ALAS2: variants seen among roughly 807,000 people sequenced by gnomAD.
ALAS2 encodes the protein 5-aminolevulinate synthase, erythroid-specific, mitochondrial.
In ALAS2, 3 loss-of-function variants were observed where a neutral mutation model predicts 33.7. The observed-to-expected ratio is 0.09, with a 90% confidence interval of 0.04 to 0.23. ALAS2 has a LOEUF of 0.23. ALAS2 is among the 10% of genes least tolerant of loss of function. ALAS2 has a pLI of 1.00. For missense variants in ALAS2, 304 were observed against 475.1 expected, an observed-to-expected ratio of 0.64 and a Z score of 3.35; for synonymous variants, 191 against 177.3, an observed-to-expected ratio of 1.08 and a Z score of -0.61.
In ALAS2 at chrX:55,020,641, G is replaced by T; in HGVS notation, c.639-137C>A. The T allele has an allele frequency of 8.1e-6, 5 of 619,606 alleles. No homozygotes were observed. The South Asian group carries it at 1.4e-4, about 18-fold the overall frequency. 51.1% of individuals were successfully genotyped at this position (619,606 alleles called of 1,213,427 possible). A position where few individuals can be genotyped will look rare whatever the true frequency, so the allele number is the denominator to read the frequency against. On this transcript the variant is annotated intron_variant, in intron 5 of 10. Transcript: ENST00000650242. ...TATAAACTGTGTCCTATGAGACAAA[G>T]TAGAGGGAAGGATGGGGAGGATAGG...
At chrX:55,026,050 T>C in intron 1 of ALAS2, 35 bp from the exon 2 acceptor site, 1 of 1,170,623 alleles carries the variant, frequency 8.5e-7, no homozygotes, top group African/African-American at 1.8e-5. Flanking sequence ...GGTTCCATCA[T>C]GAGGGCCTGG....
At chrX:55,018,785 G>A (rs1935749394) in intron 6 of ALAS2, among the ~76,000 whole-genome samples, 1 of 110,941 alleles carries the variant, frequency 9.0e-6, no homozygotes, top group Non-Finnish European at 1.9e-5. Context: ...TGAGGGTGGG[G>A]TGACAAAGAT....
chrX:55,018,641 A>G (rs192085624), intron 6 of ALAS2, among the ~76,000 whole-genome samples: 280 of 111,743 alleles, frequency 2.5e-3, no homozygotes, highest in African/African-American at 8.9e-3. Context: ...TGAAATAGTG[A>G]GAGGAGGGAT....
At chrX:55,019,880 G>T (rs910918238) in intron 6 of ALAS2, among the ~76,000 whole-genome samples, 4 of 111,751 alleles carry the variant, frequency 3.6e-5, no homozygotes, top group African/African-American at 1.3e-4. Context: ...TCGTAGGTTT[G>T]GTGGCAATAA....
At chrX:55,023,975 G>A in intron 3 of ALAS2, 108 bp from the exon 4 acceptor site, 3 of 618,615 alleles carry the variant, frequency 4.8e-6, no homozygotes, top group Non-Finnish European at 7.8e-6. Flanking sequence ...AAGTTTATAA[G>A]GTAAGGGCAG....
In ALAS2 at chrX:55,009,205, G is replaced by A; in HGVS notation, c.1739C>T (p.Pro580Leu). Residue 580 changes from proline (P) to leucine (L), a missense_variant, in exon 11 of 11, where the codon CCC (proline) becomes CTC (leucine). Transcript: ENST00000650242. ...WERSYFGNMGPQYVTTYA is the reference protein window; with the variant it reads ...WERSYFGNMGLQYVTTYA Reference sequence around the variant, plus strand: ...TCAGGCATAGGTGGTGACATACTGGGGCCCCATGTTCCCGAAGTAGGAACG... The same window carrying A: ...TCAGGCATAGGTGGTGACATACTGGAGCCCCATGTTCCCGAAGTAGGAACG... 1 of 1,208,435 alleles carries A rather than the reference G, an allele frequency of 8.3e-7. No homozygotes were observed. The highest frequency in any genetic ancestry group is 1.1e-6 in the Non-Finnish European group (1 of 894,087).
rs1428390114 is a variant in ALAS2, at chrX:55,015,957, CTCTGTG to C, written c.1004-221_1004-216del. ...GCCTTCTCTCTCTCTCTCTCTGTCT[CTCTGTG>C]TGTGTGTGTGTGTGTGTGTGTGTGT... is the stretch of plus-strand genomic sequence containing the variant. On this transcript the variant is annotated intron_variant, in intron 7 of 10. Coordinates refer to ENST00000650242, the MANE Select transcript of ALAS2 (RefSeq NM_000032.5). Among the ~76,000 whole-genome samples, 2,343 of 86,143 alleles carry C rather than the reference CTCTGTG, an allele frequency of 0.027. 59 individuals are homozygous for C. The highest frequency in any genetic ancestry group is 0.1 in the African/African-American group (2,225 of 22,225). 74.8% of individuals were successfully genotyped at this position (86,143 alleles called of 115,157 possible).
intron 1 of ALAS2, among the ~76,000 whole-genome samples, chrX:55,026,314 A>T (rs768779437): frequency 8.9e-6 from 1 of 112,369 alleles, no homozygotes; most frequent in East Asian, 2.8e-4. Context: ...GATGAGGATC[A>T]CTGAAATGTG....
chrX:55,029,987 AG>A (rs1468569279), intron 1 of ALAS2, among the ~76,000 whole-genome samples: 1 of 83,140 alleles, frequency 1.2e-5, no homozygotes, highest in African/African-American at 4.8e-5. Flanking sequence ...GCTTTGCAAA[AG>A]TCAATTAGGT....
At chrX:55,024,899 A>G in intron 2 of ALAS2, 59 bp from the exon 3 acceptor site, 1 of 1,186,832 alleles carries the variant, frequency 8.4e-7, no homozygotes, top group Non-Finnish European at 1.1e-6. Context: ...TCAGCTCAAC[A>G]ATAATTGCTG....
chrX:55,009,204 G>T lies in ALAS2; in HGVS notation c.1740C>A (p.Pro580=), dbSNP rs1440186563. The change falls in exon 11 of 11, where the codon CCC becomes CCA. Residue 580 remains proline (P), a synonymous_variant. Transcript: ENST00000650242. ...WERSYFGNMG[P]QYVTTYA ...CTCAGGCATAGGTGGTGACATACTG[G>T]GGCCCCATGTTCCCGAAGTAGGAAC... The T allele has an allele frequency of 8.3e-7, 1 of 1,206,302 alleles. No individual in the cohort carries two copies. The highest frequency in any genetic ancestry group is 1.1e-6 in the Non-Finnish European group (1 of 893,665).
At position 55,009,059 on chromosome X, in the gene ALAS2, G is replaced by A; in HGVS notation, c.*121C>T. 12 of 928,947 alleles carry A rather than the reference G, an allele frequency of 1.3e-5. No individual in the cohort carries two copies. Among genetic ancestry groups the A allele is most frequent in the South Asian group, 2.3e-5 (1 of 43,255 alleles). The allele number at this position is 928,947 out of a possible 1,213,427, so 76.6% of individuals were successfully genotyped here. A position where few individuals can be genotyped will look rare whatever the true frequency, so the allele number is the denominator to read the frequency against. On this transcript the variant is annotated 3_prime_UTR_variant, in exon 11 of 11. Coordinates refer to ENST00000650242, the MANE Select transcript of ALAS2 (RefSeq NM_000032.5). ...TGTCCAATAAAAGGCTTCACATGCT[G>A]TGGTTTGTGCTTTATTTTTAGGCTC...
chrX:55,020,555 A>T (rs1434244578), intron 5 of ALAS2, 51 bp from the exon 6 acceptor site: 1 of 1,106,948 alleles, frequency 9.0e-7, no homozygotes, highest in African/African-American at 1.8e-5. Flanking sequence ...CTTGTCAGGC[A>T]TCGAGGAACT....
At position 55,025,844 on chromosome X, in the gene ALAS2, G is replaced by C. The variant is rs1935882447; in HGVS notation, c.157C>G (p.Leu53Val). Residue 53 changes from leucine (L) to valine (V), a missense_variant, in exon 2 of 11, where the codon CTT (leucine) becomes GTT (valine). Physicochemically the swap from Leu to Val is conservative, Grantham distance 32. Transcript: ENST00000650242. ...CCTCCTCCAGCCTTTGTTGCCTTAA[G>C]GTGGATTTGAGAACAGTTTGGTCCT... is the stretch of plus-strand genomic sequence containing the variant. Reference protein sequence around the residue: ...TQGPNCSQIHLKATKAGGDSP... With the variant: ...TQGPNCSQIHVKATKAGGDSP... The C allele has an allele frequency of 8.3e-7, 1 of 1,209,906 alleles. No homozygotes were observed. The highest frequency in any genetic ancestry group is 1.1e-6 in the Non-Finnish European group (1 of 895,233).
chrX:55,020,923 G>A, intron 5 of ALAS2, 129 bp downstream of exon 5: 1 of 556,533 alleles, frequency 1.8e-6, no homozygotes, highest in Non-Finnish European at 3.0e-6. Context: ...AGATATGATG[G>A]AGGACCTTGG....
intron 9 of ALAS2, among the ~76,000 whole-genome samples, chrX:55,014,222 T>TTTTG (rs1935659641): frequency 8.9e-6 from 1 of 112,044 alleles, no homozygotes; most frequent in African/African-American, 3.2e-5. Flanking sequence ...AAGTAGCAGC[T>TTTTG]AATCCTATGG....
At chrX:55,016,245 C>T (rs767332881) in intron 7 of ALAS2, among the ~76,000 whole-genome samples, 1 of 109,744 alleles carries the variant, frequency 9.1e-6, no homozygotes, top group Non-Finnish European at 1.9e-5. Context: ...AGAATGGTAC[C>T]AACATAGTTT....
intron 6 of ALAS2, 68 bp downstream of exon 6, chrX:55,020,252 G>C: frequency 9.4e-7 from 1 of 1,063,952 alleles, no homozygotes; most frequent in Non-Finnish European, 1.3e-6. Context: ...AGGAGTGATG[G>C]AACCAGTGAA....
chrX:55,024,255 A>G (rs1046627882), intron 3 of ALAS2, among the ~76,000 whole-genome samples: 6 of 112,142 alleles, frequency 5.4e-5, no homozygotes, highest in African/African-American at 1.9e-4. Flanking sequence ...GGGGCCTATG[A>G]AAGATGTCAA....
Sources: allele counts gnomAD v4.1 joint callset (sites outside exome capture counted in the v4.1 genomes callset), GRCh38; gene constraint gnomAD v4.1.1; transcripts MANE v1.5; gene names NCBI Gene and HGNC (gene_info 2026-07-23, HGNC 2026-07-21).